The following SLX4IP variants were observed in gnomAD, a reference collection of about 807,000 sequenced individuals.
The protein encoded by SLX4IP is SLX4 interacting protein, also known as protein SLX4IP.
SLX4IP carries 34 observed loss-of-function variants against 32.9 expected under a neutral mutation model. That is an observed-to-expected ratio of 1.03 (90% CI 0.79 to 1.38). The LOEUF (loss-of-function observed/expected upper bound fraction) is 1.38. Ranked by LOEUF, SLX4IP falls within the 40% of genes most tolerant of loss-of-function variation. SLX4IP has a pLI of 0.00. For missense variants in SLX4IP, 444 were observed against 479.0 expected (o/e 0.93, Z 0.68); for synonymous variants, 172 against 171.7 (o/e 1.00, Z -0.01).
intron 2 of SLX4IP, among the ~76,000 whole-genome samples, chr20:10,552,038 C>T (rs963334470): frequency 6.6e-6 from 1 of 152,178 alleles, no homozygotes; most frequent in African/African-American, 2.4e-5. Context: ...TTAAAATGGA[C>T]AAGATGCGTG....
intron 2 of SLX4IP, among the ~76,000 whole-genome samples, chr20:10,536,553 C>CAGTT (rs1412503166): frequency 2.6e-5 from 4 of 152,208 alleles, no homozygotes; most frequent in African/African-American, 9.6e-5. Flanking sequence ...GTTCTGCAGG[C>CAGTT]AGTTTCCTAA....
At position 10,527,775 on chromosome 20, in the gene SLX4IP, A is replaced by G. The variant is rs1298094256; in HGVS notation, c.28-28456A>G. Among the ~76,000 whole-genome samples the G allele has an allele frequency of 3.3e-5, 5 of 152,306 alleles. No individual in the cohort carries two copies. In the South Asian group the frequency reaches 1.0e-3, roughly 32 times the overall value. Reference sequence around the variant, plus strand: ...TTCTTCACAGTGCAGTATGTTTTGGATAAATTGTGATTGCTAATATAGTAC... The same window carrying G: ...TTCTTCACAGTGCAGTATGTTTTGGGTAAATTGTGATTGCTAATATAGTAC... On this transcript the variant is annotated intron_variant, in intron 2 of 7. Transcript: ENST00000334534.
At chr20:10,447,827 T>C (rs1421958632) in intron 1 of SLX4IP, among the ~76,000 whole-genome samples, 1 of 150,786 alleles carries the variant, frequency 6.6e-6, no homozygotes, top group South Asian at 2.1e-4. Flanking sequence ...CAGTTTCCCA[T>C]GTAGCTGGGA....
intron 2 of SLX4IP, among the ~76,000 whole-genome samples, chr20:10,464,429 C>A (rs903528344): frequency 1.3e-5 from 2 of 151,900 alleles, no homozygotes; most frequent in African/African-American, 4.8e-5. Flanking sequence ...ATCTGTAATC[C>A]CTGCATTTTG....
chr20:10,520,296 C>T (rs547281350), intron 2 of SLX4IP, among the ~76,000 whole-genome samples: 116 of 152,154 alleles, frequency 7.6e-4, no homozygotes, highest in African/African-American at 2.7e-3. Context: ...GTGATCCGCC[C>T]GCCTCAGCCT....
At chr20:10,530,651 A>G (rs1371332328) in intron 2 of SLX4IP, among the ~76,000 whole-genome samples, 7 of 152,244 alleles carry the variant, frequency 4.6e-5, no homozygotes, top group Admixed American at 4.6e-4. Flanking sequence ...CCATCTTGCT[A>G]TAAATTATTT....
chr20:10,579,093 T>C (rs546998196), intron 4 of SLX4IP, among the ~76,000 whole-genome samples: 24 of 152,198 alleles, frequency 1.6e-4, no homozygotes, highest in Admixed American at 3.3e-4. Context: ...AATTCATCTA[T>C]GTTGTTGTTG....
chr20:10,463,776 C>T (rs1418655530), intron 2 of SLX4IP, among the ~76,000 whole-genome samples: 1 of 152,120 alleles, frequency 6.6e-6, no homozygotes, highest in Non-Finnish European at 1.5e-5. Context: ...CTACGTGGCT[C>T]AACTTTTTGT....
rs553935711 is a variant in SLX4IP, at chr20:10,459,180, C to T, written c.27+949C>T. ...TCCTTTTTTCAGAAGAGTCTATTTACGTCCTTTGCCTACTTTTTAATGGCG... is the reference window on the plus strand; with the variant it reads ...TCCTTTTTTCAGAAGAGTCTATTTATGTCCTTTGCCTACTTTTTAATGGCG... On this transcript the variant is annotated intron_variant, in intron 2 of 7. Transcript: ENST00000334534. Among the ~76,000 whole-genome samples, 615 of 152,146 alleles carry T rather than the reference C, an allele frequency of 4.0e-3. 15 individuals are homozygous for T. The South Asian group carries it at 0.066, about 16-fold the overall frequency.
chr20:10,595,958 C>G (rs1293583749), intron 4 of SLX4IP, among the ~76,000 whole-genome samples: 1 of 152,182 alleles, frequency 6.6e-6, no homozygotes, highest in Non-Finnish European at 1.5e-5. Context: ...GAAATGATTC[C>G]TTTTAACTTA....
chr20:10,587,042 C>G (rs2066653907), intron 4 of SLX4IP, among the ~76,000 whole-genome samples: 2 of 151,690 alleles, frequency 1.3e-5, no homozygotes, highest in Non-Finnish European at 1.5e-5. Flanking sequence ...TAACTTGACA[C>G]TAAAAACTAG....
intron 6 of SLX4IP, among the ~76,000 whole-genome samples, chr20:10,615,811 T>C (rs1221562838): frequency 6.6e-6 from 1 of 152,200 alleles, no homozygotes; most frequent in African/African-American, 2.4e-5. Flanking sequence ...TGATGTCTCA[T>C]TGCTGTATGC....
rs1004441594 is a variant in SLX4IP, at chr20:10,463,477, T to C, written c.27+5246T>C. On this transcript the variant is annotated intron_variant, in intron 2 of 7. Coordinates refer to ENST00000334534, the MANE Select transcript of SLX4IP (RefSeq NM_001009608.3). ...TTGCTGCTGCTTTTTTAGTTTAGCA[T>C]GTCAAAGTGTTATATTTCTGGGTAT... Among the ~76,000 whole-genome samples the C allele has an allele frequency of 2.0e-5, 3 of 152,170 alleles. No individual in the cohort carries two copies. In the South Asian group the frequency reaches 6.2e-4, roughly 32 times the overall value.
chr20:10,451,652 A>G (rs1013111548), intron 1 of SLX4IP, among the ~76,000 whole-genome samples: 4 of 152,134 alleles, frequency 2.6e-5, no homozygotes, highest in African/African-American at 9.7e-5. Context: ...TGAAATGCTA[A>G]CATGTTGGCT....
chr20:10,623,243 GTCTC>G lies in SLX4IP; in HGVS notation c.1094_1097del (p.Leu365ProfsTer6), dbSNP rs753323112. 1.2e-6 allele frequency: 2 copies of G among 1,614,220 alleles called. No individual in the cohort carries two copies. Among genetic ancestry groups the G allele is most frequent in the East Asian group, 2.2e-5 (1 of 44,884 alleles). ...AAGGAAGAGTTGCATGTTTTGGAAA[GTCTC>G]TCCTCCAGACATCTTATGAAAAATA... On this transcript the variant is annotated frameshift_variant, in exon 8 of 8. Coordinates refer to ENST00000334534, the MANE Select transcript of SLX4IP (RefSeq NM_001009608.3). LOFTEE classifies it high-confidence loss of function.
At chr20:10,614,760 T>G (rs1029756130) in intron 6 of SLX4IP, among the ~76,000 whole-genome samples, 3 of 152,164 alleles carry the variant, frequency 2.0e-5, no homozygotes, top group Non-Finnish European at 2.9e-5. Context: ...CAAGCTGTAT[T>G]GAGGGTGACA....
chr20:10,561,902 G>C (rs2066336664), intron 4 of SLX4IP, among the ~76,000 whole-genome samples: 1 of 152,010 alleles, frequency 6.6e-6, no homozygotes, highest in Admixed American at 6.5e-5. Context: ...AATTTCCTTT[G>C]GGCTCATCCG....
intron 2 of SLX4IP, among the ~76,000 whole-genome samples, chr20:10,494,799 T>A (rs1303283123): frequency 6.6e-6 from 1 of 152,146 alleles, no homozygotes; most frequent in East Asian, 1.9e-4. Flanking sequence ...TTAGGCTGAA[T>A]TGATTTTGAT....
intron 2 of SLX4IP, among the ~76,000 whole-genome samples, chr20:10,539,635 G>C (rs186417428): frequency 5.3e-4 from 81 of 152,278 alleles, no homozygotes; most frequent in African/African-American, 1.9e-3. Flanking sequence ...TTTTATGAGT[G>C]TGAAAGTTAT....
Sources: allele counts gnomAD v4.1 joint callset (sites outside exome capture counted in the v4.1 genomes callset), GRCh38; gene constraint gnomAD v4.1.1; transcripts MANE v1.5; gene names NCBI Gene and HGNC (gene_info 2026-07-23, HGNC 2026-07-21).